EGFR: variants seen among roughly 807,000 people sequenced by gnomAD.
The protein encoded by EGFR is epidermal growth factor receptor, also known as avian erythroblastic leukemia viral (v-erb-b) oncogene homolog.
In EGFR, 58 loss-of-function variants were observed where a neutral mutation model predicts 143.0. That is an observed-to-expected ratio of 0.41 (90% CI 0.33 to 0.50). The LOEUF is 0.50. Ranked by LOEUF, EGFR falls within the 20% of genes least tolerant of loss-of-function variation. The pLI, the probability that EGFR is intolerant of heterozygous loss-of-function variation, is 0.39. For missense variants in EGFR, 1,307 were observed against 1,579.0 expected, an observed-to-expected ratio of 0.83 and a Z score of 2.92; for synonymous variants, 613 against 594.4, an observed-to-expected ratio of 1.03 and a Z score of -0.45.
At position 55,202,572 on chromosome 7, in the gene EGFR, C is replaced by T. The variant is rs2128973093; in HGVS notation, c.3218C>T (p.Pro1073Leu). 2 of 1,613,452 alleles carry T rather than the reference C, an allele frequency of 1.2e-6. No individual in the cohort carries two copies. The highest frequency in any genetic ancestry group is 1.7e-6 in the Non-Finnish European group (2 of 1,179,680). Residue 1073 changes from proline (P) to leucine (L), a missense_variant, in exon 27 of 28, where the codon CCC becomes CTC. Pro to Leu is a moderately conservative substitution (Grantham distance 98, BLOSUM62 -3). Transcript: ENST00000275493. ...TTCTTGCAGCGATACAGCTCAGACCCCACAGGCGCCTTGACTGAGGACAGC... is the reference window on the plus strand; with the variant it reads ...TTCTTGCAGCGATACAGCTCAGACCTCACAGGCGCCTTGACTGAGGACAGC... ...DSFLQRYSSD[P>L]TGALTEDSID...
intron 27 of EGFR, among the ~76,000 whole-genome samples, chr7:55,203,721 GACACACCACAC>G (rs1191641717): frequency 7.0e-6 from 1 of 142,842 alleles, no homozygotes. Flanking sequence ...CACACACGTA[GACACACCACAC>G]ACACCACAGA....
chr7:55,104,108 G>C (rs1791982062), intron 1 of EGFR, among the ~76,000 whole-genome samples: 1 of 152,218 alleles, frequency 6.6e-6, no homozygotes, highest in African/African-American at 2.4e-5. Context: ...GGGCAGCACT[G>C]AGTAGGATAG....
intron 26 of EGFR, 134 bp from the exon 27 acceptor site, chr7:55,202,383 C>G (rs1206993932): frequency 2.7e-5 from 20 of 735,436 alleles, no homozygotes; most frequent in Non-Finnish European, 3.9e-5. Flanking sequence ...CAGCACCCAC[C>G]AGGGTGCAGA....
At position 55,160,126 on chromosome 7, in the gene EGFR, C is replaced by T. The variant is rs201964939; in HGVS notation, c.1299-13C>T. 9.7e-5 allele frequency: 156 copies of T among 1,613,754 alleles called. No homozygotes were observed. The highest frequency in any genetic ancestry group is 1.3e-4 in the Non-Finnish European group (151 of 1,179,862). On this transcript the variant is annotated splice_polypyrimidine_tract_variant and intron_variant, in intron 11 of 27. Transcript: ENST00000275493. ...AATTTTTCACCACATGATTTTTCTT[C>T]TCTCCAATGTAGTGGTCAGTTTTCT...
chr7:55,042,515 A>G (rs1254248991), intron 1 of EGFR, among the ~76,000 whole-genome samples: 1 of 152,144 alleles, frequency 6.6e-6, no homozygotes, highest in Non-Finnish European at 1.5e-5. Flanking sequence ...CACTTGGTAC[A>G]TGGTTGCAAG....
intron 1 of EGFR, among the ~76,000 whole-genome samples, chr7:55,135,359 T>A (rs1032196453): frequency 6.6e-6 from 1 of 151,926 alleles, no homozygotes; most frequent in African/African-American, 2.4e-5. Flanking sequence ...GAAGGCATAT[T>A]ATAATGTACA....
chr7:55,092,146 C>CCTGTT (rs974063894), intron 1 of EGFR, among the ~76,000 whole-genome samples: 10 of 152,082 alleles, frequency 6.6e-5, no homozygotes, highest in African/African-American at 1.2e-4. Flanking sequence ...GCTTGTGGTT[C>CCTGTT]CTGCTCTGCT....
At chr7:55,130,740 G>A (rs1040725317) in intron 1 of EGFR, among the ~76,000 whole-genome samples, 1 of 152,212 alleles carries the variant, frequency 6.6e-6, no homozygotes, top group Non-Finnish European at 1.5e-5. Flanking sequence ...AAGAACAGGG[G>A]TGGAGACTGT....
At chr7:55,198,900 G>A (rs1454906094) in intron 23 of EGFR, 37 bp downstream of exon 23, 1 of 1,612,824 alleles carries the variant, frequency 6.2e-7, no homozygotes, top group South Asian at 1.1e-5. Context: ...CTGCCTAGCT[G>A]AGCCTTGGTG....
rs2128958658 is a variant in EGFR at position 55,181,383 on chromosome 7, C to T, written c.2374C>T (p.Leu792Phe). ...CTCCACCGTGCAGCTCATCACGCAG[C>T]TCATGCCCTTCGGCTGCCTCCTGGA... ...LTSTVQLITQ[L>F]MPFGCLLDYV... The change falls in exon 20 of 28, where the codon CTC (leucine) becomes TTC (phenylalanine). Residue 792 changes from leucine (L) to phenylalanine (F), a missense_variant. Physicochemically the swap from Leu to Phe is conservative, Grantham distance 22 (BLOSUM62 0). Around this residue, in one of 7 missense-constraint regions of EGFR, gnomAD observed 348 missense variants for 451.5 expected, o/e 0.77. Coordinates refer to ENST00000275493, the MANE Select transcript of EGFR (RefSeq NM_005228.5). 1.2e-6 allele frequency: 2 copies of T among 1,614,230 alleles called. No individual in the cohort carries two copies. Among genetic ancestry groups the T allele is most frequent in the Non-Finnish European group, 1.7e-6 (2 of 1,180,038 alleles).
chr7:55,175,706 C>T (rs181075041), intron 19 of EGFR, among the ~76,000 whole-genome samples: 1 of 152,326 alleles, frequency 6.6e-6, no homozygotes, highest in Non-Finnish European at 1.5e-5. Flanking sequence ...GTTGATCTTA[C>T]AGCCAAGAAG....
chr7:55,121,638 A>G (rs1308533939), intron 1 of EGFR, among the ~76,000 whole-genome samples: 3 of 152,202 alleles, frequency 2.0e-5, no homozygotes, highest in Non-Finnish European at 2.9e-5. Flanking sequence ...GAGAATTACC[A>G]TAAAAAACAG....
At position 55,031,703 on chromosome 7, in the gene EGFR, A is replaced by G. The variant is rs541550645; in HGVS notation, c.88+12338A>G. On this transcript the variant is annotated intron_variant, in intron 1 of 27. Coordinates refer to ENST00000275493, the MANE Select transcript of EGFR (RefSeq NM_005228.5). ...TCAGTTGCAAAAACAAGACATTCAAACTATAGCCAGGGAGATAAGTAGTCA... is the reference window on the plus strand; with the variant it reads ...TCAGTTGCAAAAACAAGACATTCAAGCTATAGCCAGGGAGATAAGTAGTCA... Among the ~76,000 whole-genome samples, 3 of 152,364 alleles carry G rather than the reference A, an allele frequency of 2.0e-5. No individual in the cohort carries two copies. The East Asian group carries it at 5.8e-4, about 29-fold the overall frequency.
At chr7:55,184,721 G>A (rs1039440586) in intron 20 of EGFR, among the ~76,000 whole-genome samples, 4 of 152,106 alleles carry the variant, frequency 2.6e-5, no homozygotes, top group African/African-American at 7.2e-5. Context: ...GGCAGTTAAC[G>A]CTTTGTCTCT....
Position 55,198,879 on chromosome 7 carries a change from G to T in EGFR, c.2848+16G>T, listed in dbSNP as rs1330841483. 1 of 1,613,902 alleles carries T rather than the reference G, an allele frequency of 6.2e-7. No homozygotes were observed. Among genetic ancestry groups the T allele is most frequent in the Non-Finnish European group, 8.5e-7 (1 of 1,180,006 alleles). ...ATGGTCAAGTGTGAGTGACTGGTGG[G>T]TCTGTCCACACTGCCTAGCTGAGCC... On this transcript the variant is annotated intron_variant, in intron 23 of 27. Coordinates refer to ENST00000275493, the MANE Select transcript of EGFR (RefSeq NM_005228.5).
At chr7:55,184,154 C>G (rs1243044274) in intron 20 of EGFR, among the ~76,000 whole-genome samples, 2 of 152,244 alleles carry the variant, frequency 1.3e-5, no homozygotes, top group African/African-American at 2.4e-5. Flanking sequence ...TGCCCCTTGT[C>G]TTTCTGGGAG....
At chr7:55,070,780 T>C (rs1160793541) in intron 1 of EGFR, among the ~76,000 whole-genome samples, 1 of 152,258 alleles carries the variant, frequency 6.6e-6, no homozygotes, top group Non-Finnish European at 1.5e-5. Flanking sequence ...TCCTCGTTTC[T>C]TGCTATTTCT....
intron 27 of EGFR, among the ~76,000 whole-genome samples, chr7:55,204,241 C>T (rs1788000920): frequency 6.9e-6 from 1 of 144,566 alleles, no homozygotes; most frequent in Non-Finnish European, 1.5e-5. Flanking sequence ...TACACACACA[C>T]CACACACACA....
chr7:55,110,888 A>T (rs1048333483), intron 1 of EGFR, among the ~76,000 whole-genome samples: 1 of 152,024 alleles, frequency 6.6e-6, no homozygotes, highest in Non-Finnish European at 1.5e-5. Context: ...GAGTGATTTC[A>T]TTTTCCATTG....
Sources: gnomAD v4.1 joint callset for allele counts (sites outside exome capture counted in the v4.1 genomes callset) on GRCh38, gnomAD v4.1.1 for gene constraint, gnomAD v4.1.1 regional missense constraint, MANE v1.5 for transcripts, NCBI Gene and HGNC (gene_info 2026-07-23, HGNC 2026-07-21) for gene names.